Variants in AQP7 observed in about 807,000 individuals in gnomAD.
The protein encoded by AQP7 is aquaporin 7, also known as aquaporin-7.
In AQP7, 22 loss-of-function variants were observed where a neutral mutation model predicts 26.1. That is an observed-to-expected ratio of 0.84 (90% CI 0.60 to 1.20). AQP7 has a LOEUF of 1.20. Among genes scored for constraint, AQP7 ranks in the 50% most tolerant of loss-of-function variants. The pLI, the probability that AQP7 is intolerant of heterozygous loss-of-function variation, is 0.00. For missense variants in AQP7, 412 were observed against 457.5 expected, an observed-to-expected ratio of 0.90 and a Z score of 0.91; for synonymous variants, 167 against 181.7, an observed-to-expected ratio of 0.92 and a Z score of 0.65.
chr9:33,386,159 A>G lies in AQP7; in HGVS notation c.443T>C (p.Val148Ala). The G allele has an allele frequency of 1.2e-6, 2 of 1,614,000 alleles. No homozygotes were observed. The highest frequency in any genetic ancestry group is 2.2e-5 in the East Asian group (1 of 44,890). Residue 148 changes from valine to alanine, a missense_variant, in exon 6 of 8, where the codon GTG becomes GCG. Coordinates refer to ENST00000297988, the MANE Select transcript of AQP7 (RefSeq NM_001170.3). ...GCCAGCTGTAGCGACGGGACCGGTC[A>G]CCATCAGCTGTCCACCCGAAAAGTG... Reference protein sequence around the residue: ...ILHFSGGQLMVTGPVATAGIF... With the variant: ...ILHFSGGQLMATGPVATAGIF...
In AQP7 at chr9:33,385,000, T is replaced by G. The variant is rs1407860819; in HGVS notation, c.*5A>C. 6.3e-7 allele frequency: 1 copy of G among 1,599,270 alleles called. No homozygotes were observed. Among genetic ancestry groups the G allele is most frequent in the Admixed American group, 1.7e-5 (1 of 59,218 alleles). On this transcript the variant is annotated 3_prime_UTR_variant, in exon 8 of 8. Transcript: ENST00000297988. ...GGAATGGATGGGATCACAAATAATC[T>G]CTGCTTAGAAGTGCTCTAGGGCCAT... is the stretch of plus-strand genomic sequence containing the variant.
At chr9:33,401,369 G>C in intron 1 of AQP7, 82 bp from the exon 2 acceptor site, 5 of 1,209,586 alleles carry the variant, frequency 4.1e-6, no homozygotes, top group Non-Finnish European at 6.0e-6. Flanking sequence ...GTCCCCAGGG[G>C]AGAAGCCCTG....
intron 6 of AQP7, 34 bp downstream of exon 6, chr9:33,386,043 G>C (rs775811113): frequency 1.2e-6 from 2 of 1,611,490 alleles, no homozygotes; most frequent in Admixed American, 3.3e-5. Context: ...GGGGTGGAGG[G>C]CAGGGGGAGG....
chr9:33,389,066 C>T (rs111638698), intron 3 of AQP7, among the ~76,000 whole-genome samples: 6 of 146,626 alleles, frequency 4.1e-5, no homozygotes, highest in African/African-American at 1.5e-4. Context: ...CTTGCTCTGT[C>T]GCCCAAGCTG....
intron 3 of AQP7, among the ~76,000 whole-genome samples, chr9:33,389,383 C>T (rs542703124): frequency 7.2e-5 from 11 of 152,158 alleles, no homozygotes; most frequent in African/African-American, 1.2e-4. Context: ...CTATGTTGCC[C>T]GGGCTGGTCT....
At chr9:33,399,883 A>G (rs1200327836) in intron 2 of AQP7, among the ~76,000 whole-genome samples, 1 of 152,062 alleles carries the variant, frequency 6.6e-6, no homozygotes, top group Non-Finnish European at 1.5e-5. Context: ...CACATTCTAG[A>G]TATTTTAGGA....
At chr9:33,397,942 T>TCTA (rs1422990412) in intron 2 of AQP7, among the ~76,000 whole-genome samples, 1 of 152,124 alleles carries the variant, frequency 6.6e-6, no homozygotes, top group Non-Finnish European at 1.5e-5. Context: ...GTGCCTAGAA[T>TCTA]GTTCAGACAC....
chr9:33,395,529 G>A, intron 2 of AQP7: 1 of 311,974 alleles, frequency 3.2e-6, no homozygotes, highest in Admixed American at 4.5e-5. Context: ...AAAAAGCAGG[G>A]TGGGAGAGAG....
Position 33,386,952 on chromosome 9 carries a change from G to A in AQP7, c.268+17C>T, listed in dbSNP as rs772647278. 2 of 1,611,804 alleles carry A rather than the reference G, an allele frequency of 1.2e-6. No individual in the cohort carries two copies. On this transcript the variant is annotated intron_variant, in intron 4 of 7. Transcript: ENST00000297988. ...CACCTGGTCTTGCCCGGTCCGGCAGGGCCTGGGCTCACTCACCAGAGATGC... is the reference window on the plus strand; with the variant it reads ...CACCTGGTCTTGCCCGGTCCGGCAGAGCCTGGGCTCACTCACCAGAGATGC...
Position 33,386,147 on chromosome 9 carries a change from A to G in AQP7, c.455T>C (p.Val152Ala), listed in dbSNP as rs765077284. 3 of 1,613,884 alleles carry G rather than the reference A, an allele frequency of 1.9e-6. No homozygotes were observed. The African/African-American group carries it at 4.0e-5, about 22-fold the overall frequency. Residue 152 changes from valine (V) to alanine (A), a missense_variant, in exon 6 of 8, where the codon GTC (valine) becomes GCC (alanine). Transcript: ENST00000297988. ...SGGQLMVTGP[V>A]ATAGIFATYL... Reference sequence around the variant, plus strand: ...GGTGGCAAAAATGCCAGCTGTAGCGACGGGACCGGTCACCATCAGCTGTCC... The same window carrying G: ...GGTGGCAAAAATGCCAGCTGTAGCGGCGGGACCGGTCACCATCAGCTGTCC...
chr9:33,385,632 C>T lies in AQP7; in HGVS notation c.743+17G>A, dbSNP rs1824681754. On this transcript the variant is annotated intron_variant, in intron 7 of 7. Transcript: ENST00000297988. ...CACAGAAAAACTCAAAGGAATGGGC[C>T]TGGGCAGGGGCAGTACCTGAAGACC... 1 of 1,612,694 alleles carries T rather than the reference C, an allele frequency of 6.2e-7. No individual in the cohort carries two copies. The highest frequency in any genetic ancestry group is 8.5e-7 in the Non-Finnish European group (1 of 1,179,814).
At chr9:33,396,165 C>G (rs1250315382) in intron 2 of AQP7, among the ~76,000 whole-genome samples, 1 of 152,070 alleles carries the variant, frequency 6.6e-6, no homozygotes, top group East Asian at 1.9e-4. Context: ...GGGCTGGGCC[C>G]GGTGGCTCAC....
intron 3 of AQP7, among the ~76,000 whole-genome samples, chr9:33,391,142 A>G (rs1447695381): frequency 6.6e-6 from 1 of 152,204 alleles, no homozygotes; most frequent in East Asian, 1.9e-4. Flanking sequence ...TGGGTGAGTG[A>G]ATGAACCCCA....
chr9:33,384,814 A>G lies in AQP7; in HGVS notation c.*191T>C. 1 of 635,386 alleles carries G rather than the reference A, an allele frequency of 1.6e-6. No homozygotes were observed. The highest frequency in any genetic ancestry group is 2.7e-6 in the Non-Finnish European group (1 of 370,052). The allele number at this position is 635,386 out of a possible 1,614,324, so 39.4% of individuals were successfully genotyped here. On this transcript the variant is annotated 3_prime_UTR_variant, in exon 8 of 8. Transcript: ENST00000297988. ...CTCTTCCCCATTCTCCCCCTGGGGC[A>G]CCCCAGTTCCCAGGGCATGAAAGAC... is the stretch of plus-strand genomic sequence containing the variant.
chr9:33,386,573 G>A, intron 4 of AQP7, 32 bp from the exon 5 acceptor site: 1 of 1,603,692 alleles, frequency 6.2e-7, no homozygotes, highest in Non-Finnish European at 8.5e-7. Flanking sequence ...GTCAGGGAGT[G>A]AGAGCAGAAC....
chr9:33,396,255 T>TA (rs956167872), intron 2 of AQP7, among the ~76,000 whole-genome samples: 10 of 151,876 alleles, frequency 6.6e-5, no homozygotes, highest in African/African-American at 2.4e-4. Flanking sequence ...CTGACCAAGA[T>TA]AGAGAAACCC....
At chr9:33,401,589 C>G in intron 1 of AQP7, 1 of 424,266 alleles carries the variant, frequency 2.4e-6, no homozygotes. Context: ...AGCCTCTACT[C>G]AGTGGCTCCA....
intron 3 of AQP7, among the ~76,000 whole-genome samples, chr9:33,390,041 A>G (rs200077761): frequency 6.6e-6 from 1 of 151,780 alleles, no homozygotes; most frequent in Non-Finnish European, 1.5e-5. Context: ...AAAAAAAAAA[A>G]AAAAAGAAAA....
chr9:33,400,396 G>A (rs1486162929), intron 2 of AQP7, among the ~76,000 whole-genome samples: 1 of 152,076 alleles, frequency 6.6e-6, no homozygotes, highest in African/African-American at 2.4e-5. Context: ...TGAAGGAGAC[G>A]AGAGTGGGCT....
Sources: allele counts gnomAD v4.1 joint callset (sites outside exome capture counted in the v4.1 genomes callset), GRCh38; gene constraint gnomAD v4.1.1; transcripts MANE v1.5; gene names NCBI Gene and HGNC (gene_info 2026-07-23, HGNC 2026-07-21).